Variants in CEP131 observed in about 807,000 individuals in gnomAD.
CEP131 encodes centrosomal protein of 131 kDa.
Under a neutral mutation model 136.8 loss-of-function variants are expected in CEP131, and 99 were observed. That is an observed-to-expected ratio of 0.72 (90% CI 0.62 to 0.86). CEP131 has a LOEUF of 0.86. CEP131 is among the 40% of genes least tolerant of loss of function. The probability of loss-of-function intolerance (pLI) is 0.00; values close to 1 mark genes in which losing one functional copy is unlikely to be tolerated. For missense variants in CEP131, 1,459 were observed against 1,463.0 expected (o/e 1.00, Z 0.04); for synonymous variants, 646 against 612.7 (o/e 1.05, Z -0.80).
intron 5 of CEP131, among the ~76,000 whole-genome samples, chr17:81,205,168 A>T (rs2061975997): frequency 6.6e-6 from 1 of 151,794 alleles, no homozygotes. Flanking sequence ...CTGAGGCAAG[A>T]GAATCACTGG....
intron 16 of CEP131, among the ~76,000 whole-genome samples, chr17:81,195,531 G>A (rs1415011627): frequency 6.6e-6 from 1 of 152,202 alleles, no homozygotes; most frequent in Non-Finnish European, 1.5e-5. Context: ...ACCTGGCAGT[G>A]GGGCAGACCA....
rs376095607 is a variant in CEP131, at chr17:81,198,158, C to T, written c.1427G>A (p.Arg476His). The part of the protein sequence containing the change: ...LLEKEPDVLP[R>H]PRTHHRGRYA... ...TCTGCCCCTGTGATGGGTCCTGGGG[C>T]GGGGCAGCACGTCCGGCTCCTTCTC... Residue 476 changes from arginine to histidine, a missense_variant, in exon 12 of 26, where the codon CGC becomes CAC. By Grantham distance (29) the Arg-to-His change is conservative (BLOSUM62 0). Transcript: ENST00000450824. The T allele has an allele frequency of 1.2e-4, 185 of 1,573,698 alleles. No individual in the cohort carries two copies. The highest frequency in any genetic ancestry group is 1.5e-4 in the Non-Finnish European group (177 of 1,159,902).
Position 81,196,752 on chromosome 17 carries a change from C to G in CEP131, c.1848G>C (p.Gln616His). The part of the protein sequence containing the change: ...EKALSRQLQR[Q>H]REHYEATIQR... Reference sequence around the variant, plus strand: ...GGATGGTGGCCTCGTAGTGCTCCCTCTGCCGCTGCAGCTGCCGGCTCAGCG... The same window carrying G: ...GGATGGTGGCCTCGTAGTGCTCCCTGTGCCGCTGCAGCTGCCGGCTCAGCG... Residue 616 changes from glutamine (Q) to histidine (H), a missense_variant, in exon 15 of 26, where the codon CAG (glutamine) becomes CAC (histidine). Gln to His is a conservative substitution (Grantham distance 24). Transcript: ENST00000450824. 1 of 1,600,906 alleles carries G rather than the reference C, an allele frequency of 6.2e-7. No homozygotes were observed. The highest frequency in any genetic ancestry group is 2.3e-5 in the East Asian group (1 of 44,376).
rs1319960581 is a variant in CEP131 at position 81,192,834 on chromosome 17, C to T, written c.2331G>A (p.Gln777=). ...GCGCCCACTGCTCCTGCTCCAGGTG[C>T]TGCTGGAACCTGCGGGACGGTCAGG... is the stretch of plus-strand genomic sequence containing the variant. ...ERERARQRFQ[Q]HLEQEQWALQ... is the part of the protein sequence containing the mutation. The change falls in exon 19 of 26, where the codon CAG becomes CAA. Residue 777 remains glutamine, a synonymous_variant. Transcript: ENST00000450824. 1 of 1,597,692 alleles carries T rather than the reference C, an allele frequency of 6.3e-7. No individual in the cohort carries two copies. Among genetic ancestry groups the T allele is most frequent in the Admixed American group, 1.7e-5 (1 of 59,904 alleles).
chr17:81,221,694 C>T (rs1393463267), intron 1 of CEP131, among the ~76,000 whole-genome samples: 1 of 152,234 alleles, frequency 6.6e-6, no homozygotes, highest in Non-Finnish European at 1.5e-5. Context: ...CCGGCTCGGA[C>T]TCCCTTCCTG....
At chr17:81,206,577 A>G (rs2062012709) in intron 5 of CEP131, among the ~76,000 whole-genome samples, 167 bp downstream of exon 5, 1 of 152,226 alleles carries the variant, frequency 6.6e-6, no homozygotes, top group South Asian at 2.1e-4. Context: ...GCCACCTGGC[A>G]GCCTCCTGCC....
intron 24 of CEP131, among the ~76,000 whole-genome samples, chr17:81,190,300 C>T (rs2061609505): frequency 6.6e-6 from 1 of 152,144 alleles, no homozygotes; most frequent in Non-Finnish European, 1.5e-5. Flanking sequence ...GGAGGGAGCT[C>T]GCTGGGAACC....
intron 15 of CEP131, 88 bp from the exon 16 acceptor site, chr17:81,196,039 GAGGCT>G (rs1368497876): frequency 2.7e-6 from 3 of 1,114,918 alleles, no homozygotes; most frequent in African/African-American, 3.1e-5. Flanking sequence ...GCCTCCGAGG[GAGGCT>G]AACAGCAGCC....
chr17:81,216,570 C>T (rs1179990934), intron 2 of CEP131, among the ~76,000 whole-genome samples: 1 of 152,174 alleles, frequency 6.6e-6, no homozygotes, highest in Non-Finnish European at 1.5e-5. Context: ...CCCCACGCAG[C>T]TGACGGATAC....
At chr17:81,210,903 C>T (rs1452860628) in intron 2 of CEP131, among the ~76,000 whole-genome samples, 1 of 150,980 alleles carries the variant, frequency 6.6e-6, no homozygotes, top group Non-Finnish European at 1.5e-5. Context: ...TCACTTGTTA[C>T]GGGCATTTCC....
chr17:81,221,817 C>T (rs1004854674), intron 1 of CEP131, among the ~76,000 whole-genome samples: 3 of 152,210 alleles, frequency 2.0e-5, no homozygotes, highest in African/African-American at 7.2e-5. Flanking sequence ...GCGCCAGGGA[C>T]CAACCTCGAG....
intron 18 of CEP131, 110 bp from the exon 19 acceptor site, chr17:81,192,953 C>T (rs2061676242): frequency 6.9e-7 from 1 of 1,457,258 alleles, no homozygotes; most frequent in Admixed American, 2.3e-5. Flanking sequence ...TGGAGAGCAG[C>T]CCTCCGGGGC....
Position 81,208,713 on chromosome 17 carries a change from GA to G in CEP131, c.272+214del, listed in dbSNP as rs2062068329. Among the ~76,000 whole-genome samples the G allele has an allele frequency of 6.6e-6, 1 of 152,206 alleles. No homozygotes were observed. ...GGAGGAAGGGAGGGATGCAGTGCAGGAGAGTGTCTGCCTCAGGCCTCCCGCC... is the reference window on the plus strand; with the variant it reads ...GGAGGAAGGGAGGGATGCAGTGCAGGGAGTGTCTGCCTCAGGCCTCCCGCC... On this transcript the variant is annotated intron_variant, in intron 3 of 25. Transcript: ENST00000450824. This position sits in a 1 kb window ranked among gnomAD's most constrained non-coding sequence, Gnocchi z 5.6.
At chr17:81,222,296 G>GCTGACC (rs5822394) in intron 1 of CEP131, among the ~76,000 whole-genome samples, 1,993 of 151,320 alleles carry the variant, frequency 0.013, 30 homozygotes, top group African/African-American at 0.034. Flanking sequence ...CCCAGGGTGG[G>GCTGACC]CTGACCCTGA....
rs1238464161 is a variant in CEP131 at position 81,197,815 on chromosome 17, G to A, written c.1544C>T (p.Pro515Leu). 8.1e-6 allele frequency: 13 copies of A among 1,613,202 alleles called. No individual in the cohort carries two copies. The highest frequency in any genetic ancestry group is 1.1e-5 in the Non-Finnish European group (13 of 1,179,970). ...FGKLSAFPEPPEDGTLLSEAK... is the reference protein window; with the variant it reads ...FGKLSAFPEPLEDGTLLSEAK... The stretch of plus-strand genomic sequence containing the variant: ...CTCCGATAGCAGCGTCCCATCCTCA[G>A]GAGGTTCGGGGAACGCACTGAGTTT... Residue 515 changes from proline (P) to leucine (L), a missense_variant, in exon 13 of 26, where the codon CCT becomes CTT. Pro to Leu is a moderately conservative substitution (Grantham distance 98). Transcript: ENST00000450824.
At chr17:81,190,053 C>A (rs527696846) in intron 24 of CEP131, 78 bp from the exon 25 acceptor site, 1 of 1,320,294 alleles carries the variant, frequency 7.6e-7, no homozygotes, top group Non-Finnish European at 1.0e-6. Flanking sequence ...ACAGGGTGCA[C>A]GGGGCAGCCG....
At position 81,189,904 on chromosome 17, in the gene CEP131, C is replaced by A. The variant is rs778386588; in HGVS notation, c.3168+11G>T. ...CCCCGAGGTCCAGCAGGGCTGGCCACAGGGACTCACCTCATGTTGTGTCCG... is the reference window on the plus strand; with the variant it reads ...CCCCGAGGTCCAGCAGGGCTGGCCAAAGGGACTCACCTCATGTTGTGTCCG... On this transcript the variant is annotated intron_variant, in intron 25 of 25. Transcript: ENST00000450824. 1 of 1,612,910 alleles carries A rather than the reference C, an allele frequency of 6.2e-7. No individual in the cohort carries two copies. Among genetic ancestry groups the A allele is most frequent in the Non-Finnish European group, 8.5e-7 (1 of 1,179,746 alleles).
intron 13 of CEP131, chr17:81,197,419 A>G (rs998985833): frequency 1.9e-6 from 1 of 539,656 alleles, no homozygotes; most frequent in Admixed American, 3.4e-5. Context: ...TGAACTATCC[A>G]CACATATGGG....
chr17:81,207,899 TAC>T (rs1384279803), intron 3 of CEP131, among the ~76,000 whole-genome samples: 1 of 1,336 alleles, frequency 7.5e-4, no homozygotes, highest in African/African-American at 3.2e-3. Flanking sequence ...CACACACACA[TAC>T]ACCACACACA....
Sources: gnomAD v4.1 joint callset for allele counts (sites outside exome capture counted in the v4.1 genomes callset) on GRCh38, gnomAD v4.1.1 for gene constraint, Gnocchi (gnomAD v3.1) non-coding constraint, MANE v1.5 for transcripts, NCBI Gene and HGNC (gene_info 2026-07-23, HGNC 2026-07-21) for gene names.